The following VKORC1L1 variants were observed in gnomAD, a reference collection of about 807,000 sequenced individuals.
VKORC1L1 encodes vitamin K epoxide reductase complex subunit 1-like protein 1.
In VKORC1L1, 2 loss-of-function variants were observed where a neutral mutation model predicts 18.9. The ratio of observed to expected loss-of-function variants is 0.11; its 90% confidence interval spans 0.04 to 0.33. VKORC1L1 has a LOEUF of 0.33. Ranked by LOEUF, VKORC1L1 falls within the 10% of genes least tolerant of loss-of-function variation. The pLI is 1.00. For synonymous variants in VKORC1L1, 96 were observed against 100.0 expected (o/e 0.96, Z 0.24); for missense variants, 123 against 224.1 (o/e 0.55, Z 2.88).
At chr7:65,875,478 T>C (rs952856456) in intron 1 of VKORC1L1, among the ~76,000 whole-genome samples, 1 of 152,062 alleles carries the variant, frequency 6.6e-6, no homozygotes, top group Non-Finnish European at 1.5e-5. Context: ...AGTGCAGTGG[T>C]GCGATCTCGA....
chr7:65,939,318 AG>A (rs1789996953), intron 1 of VKORC1L1, among the ~76,000 whole-genome samples: 1 of 152,176 alleles, frequency 6.6e-6, no homozygotes, highest in Non-Finnish European at 1.5e-5. Context: ...AAGAAGTAAA[AG>A]GGGTCCTGGA....
intron 1 of VKORC1L1, among the ~76,000 whole-genome samples, chr7:65,907,447 A>G (rs550627673): frequency 6.6e-6 from 1 of 152,284 alleles, no homozygotes; most frequent in South Asian, 2.1e-4. Flanking sequence ...AAATAAATAA[A>G]ATAAATAAAT....
At chr7:65,907,278 T>TA (rs1562991122) in intron 1 of VKORC1L1, among the ~76,000 whole-genome samples, 1 of 151,938 alleles carries the variant, frequency 6.6e-6, no homozygotes, top group Non-Finnish European at 1.5e-5. Flanking sequence ...CCGTCTCTAC[T>TA]AAAAATACAA....
At chr7:65,942,140 T>A (rs961076949) in intron 1 of VKORC1L1, among the ~76,000 whole-genome samples, 1 of 152,124 alleles carries the variant, frequency 6.6e-6, no homozygotes, top group African/African-American at 2.4e-5. Context: ...CAATGTAATC[T>A]TGGGACCAGA....
chr7:65,923,140 G>A (rs890209971), intron 1 of VKORC1L1, among the ~76,000 whole-genome samples: 3 of 152,146 alleles, frequency 2.0e-5, no homozygotes, highest in Non-Finnish European at 2.9e-5. Flanking sequence ...GATGATAGGA[G>A]CAGGGTGCAA....
intron 1 of VKORC1L1, among the ~76,000 whole-genome samples, chr7:65,899,362 CTT>C (rs1789271019): frequency 6.6e-6 from 1 of 152,214 alleles, no homozygotes; most frequent in African/African-American, 2.4e-5. Flanking sequence ...ATGGCTTCCT[CTT>C]TGCAGATTGT....
At chr7:65,881,249 T>G (rs1788923048) in intron 1 of VKORC1L1, among the ~76,000 whole-genome samples, 1 of 152,184 alleles carries the variant, frequency 6.6e-6, no homozygotes, top group African/African-American at 2.4e-5. Context: ...GATTCACATT[T>G]TAATGTTTTA....
chr7:65,940,765 C>T (rs1790019910), intron 1 of VKORC1L1, among the ~76,000 whole-genome samples: 2 of 152,148 alleles, frequency 1.3e-5, no homozygotes, highest in Admixed American at 1.3e-4. Context: ...AATATAAATT[C>T]ATAACTCCAT....
intron 1 of VKORC1L1, among the ~76,000 whole-genome samples, chr7:65,936,299 G>A (rs1001483008): frequency 3.3e-5 from 5 of 151,930 alleles, no homozygotes; most frequent in African/African-American, 4.8e-5. Context: ...GTTCATCATC[G>A]TTTGTTTCTC....
At position 65,873,275 on chromosome 7, in the gene VKORC1L1, A is replaced by AGGCGGCGGT. The variant is rs1296360600; in HGVS notation, c.-81_-73dup. On this transcript the variant is annotated 5_prime_UTR_variant, in exon 1 of 3. Transcript: ENST00000360768. ...GCGGCGGTGGTGGCGGCGGCGGCGG[A>AGGCGGCGGT]GGCGGCGGTGGCGGCGGTGGCGGCT... 302 of 949,170 alleles carry AGGCGGCGGT rather than the reference A, an allele frequency of 3.2e-4. 1 individual carries two copies. Among genetic ancestry groups the AGGCGGCGGT allele is most frequent in the East Asian group, 7.8e-4 (7 of 8,994 alleles). The allele number at this position is 949,170 out of a possible 1,614,324, so 58.8% of individuals were successfully genotyped here.
At chr7:65,944,579 G>A (rs201030557) in intron 1 of VKORC1L1, among the ~76,000 whole-genome samples, 2 of 151,690 alleles carry the variant, frequency 1.3e-5, no homozygotes, top group East Asian at 3.9e-4. Flanking sequence ...TGCTCACTTT[G>A]TGTATATGCA....
chr7:65,908,898 A>C (rs1285195098), intron 1 of VKORC1L1, among the ~76,000 whole-genome samples: 1 of 151,696 alleles, frequency 6.6e-6, no homozygotes, highest in African/African-American at 2.4e-5. Context: ...ATGAAGTATT[A>C]AAAAATAAAT....
chr7:65,903,502 A>G (rs921561217), intron 1 of VKORC1L1, among the ~76,000 whole-genome samples: 3 of 152,162 alleles, frequency 2.0e-5, no homozygotes, highest in East Asian at 1.9e-4. Flanking sequence ...AAAAAAGACT[A>G]CTGGGGCTGG....
intron 1 of VKORC1L1, among the ~76,000 whole-genome samples, chr7:65,937,817 T>G (rs1263699910): frequency 6.6e-6 from 1 of 152,174 alleles, no homozygotes; most frequent in East Asian, 1.9e-4. Context: ...CACATATGGA[T>G]GTATGTCCAA....
intron 1 of VKORC1L1, among the ~76,000 whole-genome samples, chr7:65,885,179 A>C (rs1468191329): frequency 6.6e-6 from 1 of 152,070 alleles, no homozygotes; most frequent in East Asian, 1.9e-4. Context: ...TACAGACAAA[A>C]ATTTTGCATT....
rs376528771 is a variant in VKORC1L1, at chr7:65,882,591, TCTTTC to T, written c.194+9031_194+9035del. ...ATTTTATTTTTTAATTAAAATTTTT[TCTTTC>T]CTTTTTTTTCCTCCTCAGAGTTAGA... On this transcript the variant is annotated intron_variant, in intron 1 of 2. Transcript: ENST00000360768. Among the ~76,000 whole-genome samples, 1,404 of 152,280 alleles carry T rather than the reference TCTTTC, an allele frequency of 9.2e-3. 24 individuals carry two copies. Among genetic ancestry groups the T allele is most frequent in the African/African-American group, 0.03 (1,266 of 41,554 alleles).
At chr7:65,899,459 C>T (rs2116386640) in intron 1 of VKORC1L1, among the ~76,000 whole-genome samples, 1 of 152,302 alleles carries the variant, frequency 6.6e-6, no homozygotes, top group Middle Eastern at 3.4e-3. Context: ...CTAGAGCCCT[C>T]TGCAGTAATG....
intron 1 of VKORC1L1, among the ~76,000 whole-genome samples, chr7:65,874,033 G>T (rs1390438601): frequency 6.6e-6 from 1 of 152,216 alleles, no homozygotes; most frequent in African/African-American, 2.4e-5. Context: ...AGGCTTTGGG[G>T]CCGGCGCGGA....
the VKORC1L1 span, among the ~76,000 whole-genome samples, chr7:65,866,403 T>C: frequency 3.3e-5 from 5 of 152,218 alleles, no homozygotes; most frequent in African/African-American, 1.2e-4. Flanking sequence ...GAATGTGGCA[T>C]GCAGGGAGAT....
Sources: allele counts gnomAD v4.1 joint callset (sites outside exome capture counted in the v4.1 genomes callset), GRCh38; gene constraint gnomAD v4.1.1; transcripts MANE v1.5; gene names NCBI Gene and HGNC (gene_info 2026-07-23, HGNC 2026-07-21).